Variants in GLIS1 observed in about 807,000 individuals in gnomAD.
GLIS1 encodes the protein zinc finger protein GLIS1.
A neutral mutation model predicts 63.8 loss-of-function variants in GLIS1; 24 were observed. The observed-to-expected ratio is 0.38, with a 90% CI of 0.27 to 0.53. The LOEUF is 0.53. Ranked by LOEUF, GLIS1 falls within the 20% of genes least tolerant of loss-of-function variation. GLIS1 has a pLI of 0.85. For synonymous variants in GLIS1, 450 were observed against 482.5 expected, an observed-to-expected ratio of 0.93 and a Z score of 0.88; for missense variants, 1,036 against 1,074.1, an observed-to-expected ratio of 0.96 and a Z score of 0.50.
At chr1:53,678,622 A>G (rs1646241199) in intron 2 of GLIS1, among the ~76,000 whole-genome samples, 1 of 152,206 alleles carries the variant, frequency 6.6e-6, no homozygotes, top group Non-Finnish European at 1.5e-5. Flanking sequence ...AAGTACCAAC[A>G]GTCACCATGA....
At chr1:53,654,706 C>T (rs548249043) in intron 2 of GLIS1, among the ~76,000 whole-genome samples, 36 of 152,266 alleles carry the variant, frequency 2.4e-4, no homozygotes, top group Non-Finnish European at 4.7e-4. Flanking sequence ...GGCAAATGCA[C>T]TGAGGGTCCC....
chr1:53,544,348 C>T (rs1186045796), intron 4 of GLIS1, among the ~76,000 whole-genome samples: 2 of 152,164 alleles, frequency 1.3e-5, no homozygotes, highest in African/African-American at 4.8e-5. Flanking sequence ...AGGTTGGGAG[C>T]CAGGGTGCAG....
intron 2 of GLIS1, among the ~76,000 whole-genome samples, chr1:53,719,114 G>A (rs933360684): frequency 5.3e-5 from 8 of 152,314 alleles, no homozygotes; most frequent in African/African-American, 1.9e-4. Flanking sequence ...AACGACCACT[G>A]CCCAGGTCCT....
chr1:53,651,068 T>C (rs1645901772), intron 2 of GLIS1, among the ~76,000 whole-genome samples: 1 of 152,262 alleles, frequency 6.6e-6, no homozygotes, highest in Non-Finnish European at 1.5e-5. Flanking sequence ...CTGGCCTAGA[T>C]CTGTCACCAC....
At chr1:53,718,395 T>G (rs1488263945) in intron 2 of GLIS1, among the ~76,000 whole-genome samples, 1 of 152,066 alleles carries the variant, frequency 6.6e-6, no homozygotes, top group Non-Finnish European at 1.5e-5. Context: ...CACAGGAATT[T>G]GACAGACTGA....
chr1:53,677,479 C>A (rs1274336855), intron 2 of GLIS1, among the ~76,000 whole-genome samples: 1 of 152,252 alleles, frequency 6.6e-6, no homozygotes, highest in East Asian at 1.9e-4. Context: ...AGCATGTTCC[C>A]AAAAGCTCTG....
At chr1:53,525,331 C>T (rs543246651) in intron 5 of GLIS1, among the ~76,000 whole-genome samples, 48 of 147,734 alleles carry the variant, frequency 3.2e-4, no homozygotes, top group South Asian at 8.8e-4. Context: ...CCAGGCTAGG[C>T]GGCACTGACC....
chr1:53,546,181 C>T (rs1484753599), intron 4 of GLIS1, among the ~76,000 whole-genome samples: 5 of 152,208 alleles, frequency 3.3e-5, no homozygotes, highest in African/African-American at 9.6e-5. Flanking sequence ...TGGCCAGGGA[C>T]GCCTGAGGAG....
At chr1:53,662,658 T>C (rs998514895) in intron 2 of GLIS1, among the ~76,000 whole-genome samples, 8 of 152,122 alleles carry the variant, frequency 5.3e-5, no homozygotes, top group Non-Finnish European at 1.0e-4. Context: ...GCTGCCACAT[T>C]GCCATTGTAA....
chr1:53,671,602 A>G (rs918147307), intron 2 of GLIS1, among the ~76,000 whole-genome samples: 2 of 152,246 alleles, frequency 1.3e-5, no homozygotes, highest in Non-Finnish European at 2.9e-5. Flanking sequence ...GGTCTTTGAA[A>G]GTAGTAAGCT....
chr1:53,654,856 A>G (rs1645947930), intron 2 of GLIS1, among the ~76,000 whole-genome samples: 1 of 152,196 alleles, frequency 6.6e-6, no homozygotes, highest in Non-Finnish European at 1.5e-5. Context: ...AAGTACAGCT[A>G]ACTCTTTCCA....
chr1:53,696,767 C>T (rs1451269119), intron 2 of GLIS1, among the ~76,000 whole-genome samples: 1 of 152,206 alleles, frequency 6.6e-6, no homozygotes, highest in Non-Finnish European at 1.5e-5. Context: ...AACTCCCTTC[C>T]CGCCAGCGCT....
chr1:53,570,087 C>T (rs1644970377), intron 4 of GLIS1, among the ~76,000 whole-genome samples: 1 of 152,024 alleles, frequency 6.6e-6, no homozygotes, highest in South Asian at 2.1e-4. Flanking sequence ...CCCTCCCTCT[C>T]CCTGACCTCT....
rs546054105 is a variant in GLIS1, at chr1:53,707,186, G to T, written c.259+30620C>A. On this transcript the variant is annotated intron_variant, in intron 2 of 10. Transcript: ENST00000628545. Reference sequence around the variant, plus strand: ...TTGAAGCCCTGAAATGGAGACAGGGGAAGAGGGGAGAAAGAAGATAAGGAT... The same window carrying T: ...TTGAAGCCCTGAAATGGAGACAGGGTAAGAGGGGAGAAAGAAGATAAGGAT... Among the ~76,000 whole-genome samples, 7 of 152,306 alleles carry T rather than the reference G, an allele frequency of 4.6e-5. No homozygotes were observed. In the East Asian group the frequency reaches 1.3e-3, roughly 29 times the overall value.
chr1:53,550,219 G>A lies in GLIS1; in HGVS notation c.1321-20267C>T, dbSNP rs912169168. ...CAAGGGATTCCAGACACTGGCTCAG[G>A]AACCGACCCACTGCAAATCATAGAT... On this transcript the variant is annotated intron_variant, in intron 4 of 10. Coordinates refer to ENST00000628545, the MANE Select transcript of GLIS1 (RefSeq NM_001367484.1). Among the ~76,000 whole-genome samples, 3 of 152,202 alleles carry A rather than the reference G, an allele frequency of 2.0e-5. No homozygotes were observed. In the East Asian group the frequency reaches 5.8e-4, roughly 29 times the overall value.
intron 2 of GLIS1, among the ~76,000 whole-genome samples, chr1:53,641,650 GA>G (rs764678114): frequency 1.1e-4 from 17 of 152,332 alleles, no homozygotes; most frequent in Admixed American, 2.0e-4. Context: ...CTTTGTGGAT[GA>G]TGGAGCCTTG....
At chr1:53,563,187 T>C (rs1569834762) in intron 4 of GLIS1, among the ~76,000 whole-genome samples, 1 of 152,230 alleles carries the variant, frequency 6.6e-6, no homozygotes, top group East Asian at 1.9e-4. Flanking sequence ...CCTGGCCATG[T>C]GGTCTCATGC....
At chr1:53,684,789 C>T (rs1338897653) in intron 2 of GLIS1, among the ~76,000 whole-genome samples, 1 of 152,226 alleles carries the variant, frequency 6.6e-6, no homozygotes, top group Non-Finnish European at 1.5e-5. Context: ...ACCCCTACCC[C>T]ATGACCACCT....
rs1226669382 is a variant in GLIS1 at position 53,560,799 on chromosome 1, A to C, written c.1321-30847T>G. On this transcript the variant is annotated intron_variant, in intron 4 of 10. Transcript: ENST00000628545. The surrounding 1 kb of genome is among the most constrained non-coding windows in gnomAD (Gnocchi z 4.4). ...CACGACAGTGGCGATGAGTCCTTGG[A>C]CTCCACCCATACCTCAGTACCCCAG... 6.6e-6 allele frequency among the ~76,000 whole-genome samples: 1 copy of C among 151,532 alleles called. No homozygotes were observed. The highest frequency in any genetic ancestry group is 2.4e-5 in the African/African-American group (1 of 41,186).
Sources: allele counts gnomAD v4.1 joint callset (sites outside exome capture counted in the v4.1 genomes callset), GRCh38; gene constraint gnomAD v4.1.1; non-coding constraint Gnocchi (gnomAD v3.1); transcripts MANE v1.5; gene names NCBI Gene and HGNC (gene_info 2026-07-23, HGNC 2026-07-21).